Variants in ZNRF1 observed in about 807,000 individuals in gnomAD.
The protein encoded by ZNRF1 is E3 ubiquitin-protein ligase ZNRF1.
ZNRF1 carries 3 observed loss-of-function variants against 18.4 expected under a neutral mutation model. That is an observed-to-expected ratio of 0.16 (90% CI 0.07 to 0.42). The LOEUF is 0.42. Among genes scored for constraint, ZNRF1 ranks in the 10% least tolerant of loss-of-function variants. The pLI, the probability that ZNRF1 is intolerant of heterozygous loss-of-function variation, is 0.99. For synonymous variants in ZNRF1, 157 were observed against 144.2 expected (o/e 1.09, Z -0.64); for missense variants, 310 against 329.8 (o/e 0.94, Z 0.47).
In ZNRF1 at chr16:75,024,318, T is replaced by G. The variant is rs147287385; in HGVS notation, c.424+24223T>G. Among the ~76,000 whole-genome samples the G allele has an allele frequency of 2.3e-3, 356 of 152,366 alleles. 2 individuals carry two copies. Among genetic ancestry groups the G allele is most frequent in the African/African-American group, 8.3e-3 (344 of 41,598 alleles). On this transcript the variant is annotated intron_variant, in intron 1 of 4. Coordinates refer to ENST00000335325, the MANE Select transcript of ZNRF1 (RefSeq NM_032268.5). ...TAAGAGAAGGCATATTGTTACTGAT[T>G]GCAGAGTACTTACTATGAGCCAAAT...
intron 1 of ZNRF1, among the ~76,000 whole-genome samples, chr16:75,029,648 A>G (rs2035274094): frequency 6.7e-6 from 1 of 149,656 alleles, no homozygotes; most frequent in Non-Finnish European, 1.5e-5. Context: ...ATGTGCCTGT[A>G]GCCCCAGCTG....
intron 2 of ZNRF1, among the ~76,000 whole-genome samples, chr16:75,099,955 T>C (rs1025946268): frequency 2.6e-5 from 4 of 152,202 alleles, no homozygotes; most frequent in Non-Finnish European, 5.9e-5. Context: ...CAGGAAGTTG[T>C]ACTCAGCCCA....
chr16:75,042,926 G>A (rs1486030150), intron 1 of ZNRF1, among the ~76,000 whole-genome samples: 1 of 152,220 alleles, frequency 6.6e-6, no homozygotes, highest in African/African-American at 2.4e-5. Flanking sequence ...GGTTTGGCAT[G>A]TTGGGTTTAA....
chr16:75,000,138 G>A, intron 1 of ZNRF1, 43 bp downstream of exon 1: 2 of 1,571,704 alleles, frequency 1.3e-6, no homozygotes, highest in Non-Finnish European at 1.7e-6. Context: ...AGGGCGCGCC[G>A]GGGCGCCCCA....
intron 1 of ZNRF1, among the ~76,000 whole-genome samples, chr16:75,020,634 C>A (rs1032598844): frequency 6.6e-6 from 1 of 152,004 alleles, no homozygotes; most frequent in Non-Finnish European, 1.5e-5. Context: ...CCCCGCCTCC[C>A]AGGTTCACGC....
At chr16:75,074,283 A>T (rs2035910955) in intron 1 of ZNRF1, among the ~76,000 whole-genome samples, 1 of 152,132 alleles carries the variant, frequency 6.6e-6, no homozygotes, top group African/African-American at 2.4e-5. Flanking sequence ...TGTCAGCCCC[A>T]TCCCTAAGCT....
chr16:75,104,602 C>T (rs933840576), intron 2 of ZNRF1, 182 bp from the exon 3 acceptor site: 44 of 522,902 alleles, frequency 8.4e-5, no homozygotes, highest in African/African-American at 6.2e-4. Context: ...GTGATGTCCA[C>T]GCATTATCTC....
At chr16:75,090,407 G>A (rs934312695) in intron 1 of ZNRF1, among the ~76,000 whole-genome samples, 1 of 152,034 alleles carries the variant, frequency 6.6e-6, no homozygotes, top group African/African-American at 2.4e-5. Flanking sequence ...TGTGGAGAAC[G>A]GGGTCTCACT....
Position 75,061,628 on chromosome 16 carries a change from A to G in ZNRF1, c.425-31944A>G, listed in dbSNP as rs1448910828. Among the ~76,000 whole-genome samples the G allele has an allele frequency of 2.0e-5, 3 of 152,010 alleles. No homozygotes were observed. In the East Asian group the frequency reaches 5.8e-4, roughly 29 times the overall value. ...TGTACCACGTTTTCTTTAAACATTCATCTGTTGATGGACAGCTCTGATATT... is the reference window on the plus strand; with the variant it reads ...TGTACCACGTTTTCTTTAAACATTCGTCTGTTGATGGACAGCTCTGATATT... On this transcript the variant is annotated intron_variant, in intron 1 of 4. Transcript: ENST00000335325.
In ZNRF1 at chr16:75,095,208, A is replaced by G. The variant is rs1231748975; in HGVS notation, c.520+1541A>G. The G allele has an allele frequency of 3.8e-5, 6 of 157,940 alleles. 1 individual carries two copies. The South Asian group carries it at 6.1e-4, about 16-fold the overall frequency. 9.8% of individuals were successfully genotyped at this position (157,940 alleles called of 1,614,324 possible). On this transcript the variant is annotated intron_variant, in intron 2 of 4. Coordinates refer to ENST00000335325, the MANE Select transcript of ZNRF1 (RefSeq NM_032268.5). ...CTCAGCTCCATGCATTTGTTAGGCC[A>G]TGCTCAGGTGGGAGGACCCGCACGG... is the stretch of plus-strand genomic sequence containing the variant.
At chr16:75,027,516 C>T (rs2035241750) in intron 1 of ZNRF1, among the ~76,000 whole-genome samples, 1 of 152,132 alleles carries the variant, frequency 6.6e-6, no homozygotes, top group South Asian at 2.1e-4. Context: ...TCCTTTCAAC[C>T]ATCTTTGACT....
chr16:75,022,150 G>T (rs1298039547), intron 1 of ZNRF1, among the ~76,000 whole-genome samples: 1 of 152,176 alleles, frequency 6.6e-6, no homozygotes, highest in African/African-American at 2.4e-5. Flanking sequence ...AGCTACTTGG[G>T]AGGCTGAGGC....
Position 75,013,837 on chromosome 16 carries a change from T to A in ZNRF1, c.424+13742T>A, listed in dbSNP as rs570430406. 2.0e-5 allele frequency among the ~76,000 whole-genome samples: 3 copies of A among 150,260 alleles called. No individual in the cohort carries two copies. The South Asian group carries it at 6.3e-4, about 31-fold the overall frequency. Reference sequence around the variant, plus strand: ...TTTATTTATTTTTAATTTAATTTTATTTTTTTTTTCGAGACGGAGTCTCAC... The same window carrying A: ...TTTATTTATTTTTAATTTAATTTTAATTTTTTTTTCGAGACGGAGTCTCAC... On this transcript the variant is annotated intron_variant, in intron 1 of 4. Transcript: ENST00000335325.
intron 1 of ZNRF1, among the ~76,000 whole-genome samples, chr16:75,076,163 A>G (rs1029899324): frequency 4.6e-5 from 7 of 152,188 alleles, no homozygotes; most frequent in African/African-American, 1.4e-4. Context: ...GTAAATCACA[A>G]ATATTTGGAT....
At chr16:75,045,829 C>T (rs977129032) in intron 1 of ZNRF1, among the ~76,000 whole-genome samples, 4 of 151,782 alleles carry the variant, frequency 2.6e-5, no homozygotes, top group African/African-American at 4.8e-5. Flanking sequence ...GATCCTCCCA[C>T]CTCAGCCTCC....
intron 1 of ZNRF1, among the ~76,000 whole-genome samples, chr16:75,061,867 ACCTGG>A (rs1485929405): frequency 6.6e-6 from 1 of 152,198 alleles, no homozygotes; most frequent in African/African-American, 2.4e-5. Context: ...TCAGCTTCTG[ACCTGG>A]CTGAGACCTT....
At chr16:75,103,422 CCT>C (rs1434913400) in intron 2 of ZNRF1, among the ~76,000 whole-genome samples, 1 of 152,166 alleles carries the variant, frequency 6.6e-6, no homozygotes, top group African/African-American at 2.4e-5. Flanking sequence ...CAAAAGAAAA[CCT>C]CTGGTGTGAT....
chr16:75,054,433 A>C (rs1363283144), intron 1 of ZNRF1, among the ~76,000 whole-genome samples: 1 of 152,204 alleles, frequency 6.6e-6, no homozygotes, highest in Non-Finnish European at 1.5e-5. Flanking sequence ...TGGTGGCTCA[A>C]GGGACAAGCC....
intron 1 of ZNRF1, among the ~76,000 whole-genome samples, chr16:75,028,594 C>T (rs575422288): frequency 3.3e-5 from 5 of 152,354 alleles, no homozygotes; most frequent in African/African-American, 1.2e-4. Context: ...TGTGCCCGGC[C>T]CCTGCTACTT....
Sources: gnomAD v4.1 joint callset for allele counts (sites outside exome capture counted in the v4.1 genomes callset) on GRCh38, gnomAD v4.1.1 for gene constraint, MANE v1.5 for transcripts, NCBI Gene and HGNC (gene_info 2026-07-23, HGNC 2026-07-21) for gene names.